Variants in SLCO1B3 observed in about 807,000 individuals in gnomAD.
The protein encoded by SLCO1B3 is liver-specific organic anion transporter 2.
SLCO1B3 carries 72 observed loss-of-function variants against 71.8 expected under a neutral mutation model. The ratio of observed to expected loss-of-function variants is 1.00; its 90% CI spans 0.83 to 1.22. SLCO1B3 has a LOEUF of 1.22. Ranked by LOEUF, SLCO1B3 falls within the 50% of genes most tolerant of loss-of-function variation. SLCO1B3 has a pLI of 0.00. For missense variants in SLCO1B3, 911 were observed against 819.7 expected (o/e 1.11, Z -1.36); for synonymous variants, 298 against 278.4 (o/e 1.07, Z -0.70).
intron 8 of SLCO1B3, among the ~76,000 whole-genome samples, chr12:20,873,834 CCTT>C (rs751626524): frequency 1.3e-5 from 2 of 152,090 alleles, no homozygotes; most frequent in Non-Finnish European, 2.9e-5. Context: ...GTGTTCAGCT[CCTT>C]CTTGTGAGAA....
chr12:20,814,049 A>G (rs1348875115), intron 2 of SLCO1B3, among the ~76,000 whole-genome samples: 1 of 152,182 alleles, frequency 6.6e-6, no homozygotes, highest in Non-Finnish European at 1.5e-5. Flanking sequence ...CATAGCAAGT[A>G]TCTACATAGC....
intron 3 of SLCO1B3, among the ~76,000 whole-genome samples, chr12:20,838,438 A>C (rs1175995151): frequency 6.6e-6 from 1 of 151,994 alleles, no homozygotes; most frequent in Non-Finnish European, 1.5e-5. Context: ...CATTTAGATA[A>C]TTGATGTTAA....
At chr12:20,868,516 A>G (rs1865414427) in intron 8 of SLCO1B3, among the ~76,000 whole-genome samples, 1 of 152,180 alleles carries the variant, frequency 6.6e-6, no homozygotes, top group African/African-American at 2.4e-5. Flanking sequence ...GGAAATCACC[A>G]TTCTACTTTC....
At chr12:20,832,840 G>A (rs1036798636) in intron 3 of SLCO1B3, among the ~76,000 whole-genome samples, 3 of 152,152 alleles carry the variant, frequency 2.0e-5, no homozygotes, top group South Asian at 2.1e-4. Flanking sequence ...TCTTTAACCA[G>A]CTTGATTTTC....
intron 14 of SLCO1B3, 91 bp from the exon 15 acceptor site, chr12:20,901,259 G>A (rs1365321994): frequency 1.2e-5 from 10 of 862,938 alleles, no homozygotes; most frequent in Admixed American, 2.7e-5. Context: ...CTTTAAACTT[G>A]TATTAATCCA....
chr12:20,811,905 ATTTT>A (rs11292391), intron 1 of SLCO1B3, among the ~76,000 whole-genome samples: 5 of 114,848 alleles, frequency 4.4e-5, no homozygotes, highest in Admixed American at 9.7e-5. Flanking sequence ...TACTTGATAC[ATTTT>A]TTTTTTTTTT....
intron 3 of SLCO1B3, among the ~76,000 whole-genome samples, chr12:20,850,517 C>T (rs1865005373): frequency 6.6e-6 from 1 of 151,982 alleles, no homozygotes; most frequent in Non-Finnish European, 1.5e-5. Context: ...CTCCTGACCT[C>T]GTGATCCACC....
chr12:20,855,672 G>T (rs1203354335), intron 4 of SLCO1B3, among the ~76,000 whole-genome samples: 13 of 132,866 alleles, frequency 9.8e-5, no homozygotes, highest in African/African-American at 3.6e-4. Context: ...TTTTTTTTTT[G>T]AACATTGAAG....
chr12:20,880,206 A>G (rs1167086935), intron 11 of SLCO1B3, among the ~76,000 whole-genome samples: 1 of 151,384 alleles, frequency 6.6e-6, no homozygotes. Flanking sequence ...CTTATGATTT[A>G]TAATTATATT....
intron 8 of SLCO1B3, among the ~76,000 whole-genome samples, chr12:20,874,557 A>G (rs1865541004): frequency 6.6e-6 from 1 of 152,214 alleles, no homozygotes; most frequent in Non-Finnish European, 1.5e-5. Flanking sequence ...TACCTACTAA[A>G]ATAACTCATT....
chr12:20,860,176 G>A (rs1865229978), intron 5 of SLCO1B3, among the ~76,000 whole-genome samples: 1 of 152,036 alleles, frequency 6.6e-6, no homozygotes, highest in East Asian at 1.9e-4. Flanking sequence ...AGGGTGGTCT[G>A]GATCTCCTGA....
At chr12:20,891,120 T>A (rs934204026) in intron 13 of SLCO1B3, among the ~76,000 whole-genome samples, 1 of 152,098 alleles carries the variant, frequency 6.6e-6, no homozygotes, top group African/African-American at 2.4e-5. Context: ...GATCTGTAAG[T>A]TTTATACTTT....
At chr12:20,836,594 G>A (rs1000175728) in intron 3 of SLCO1B3, among the ~76,000 whole-genome samples, 27 of 152,032 alleles carry the variant, frequency 1.8e-4, no homozygotes, top group African/African-American at 5.8e-4. Flanking sequence ...TAAATGTTTG[G>A]TATAATTCAC....
intron 6 of SLCO1B3, among the ~76,000 whole-genome samples, chr12:20,862,177 A>G (rs990124667): frequency 2.0e-5 from 3 of 152,188 alleles, no homozygotes; most frequent in Non-Finnish European, 4.4e-5. Context: ...AAAAATGCAG[A>G]AGATCTAGAA....
chr12:20,878,335 C>A (rs957334628), intron 10 of SLCO1B3, among the ~76,000 whole-genome samples: 1 of 151,998 alleles, frequency 6.6e-6, no homozygotes. Context: ...CAGCTACTTA[C>A]AAAAGACATA....
At chr12:20,906,308 G>T (rs1408588776) in intron 15 of SLCO1B3, among the ~76,000 whole-genome samples, 1 of 152,148 alleles carries the variant, frequency 6.6e-6, no homozygotes, top group Non-Finnish European at 1.5e-5. Context: ...AAAACAATGG[G>T]CAACAAAATC....
Position 20,812,961 on chromosome 12 carries a change from G to A in SLCO1B3, c.-180-563G>A, listed in dbSNP as rs144057248. ...AGAAACAGAGATATTCGTGGAAAAA[G>A]TGGTGTAAATTTATTAAGGGGCTGC... On this transcript the variant is annotated intron_variant, in intron 1 of 15. Transcript: ENST00000381545. Among the ~76,000 whole-genome samples the A allele has an allele frequency of 9.1e-3, 1,385 of 152,256 alleles. 7 individuals are homozygous for A. The highest frequency in any genetic ancestry group is 0.016 in the Non-Finnish European group (1,105 of 68,022).
intron 3 of SLCO1B3, among the ~76,000 whole-genome samples, chr12:20,821,390 G>A (rs996789014): frequency 2.6e-5 from 4 of 152,186 alleles, no homozygotes; most frequent in African/African-American, 9.7e-5. Flanking sequence ...TCAGGTGAGA[G>A]TTGAAGAGGT....
At chr12:20,905,234 C>A (rs547555529) in intron 15 of SLCO1B3, among the ~76,000 whole-genome samples, 5 of 152,218 alleles carry the variant, frequency 3.3e-5, no homozygotes, top group Non-Finnish European at 4.4e-5. Flanking sequence ...CCCACAAAAC[C>A]ATTTAACCCT....
Sources: gnomAD v4.1 joint callset for allele counts (sites outside exome capture counted in the v4.1 genomes callset) on GRCh38, gnomAD v4.1.1 for gene constraint, MANE v1.5 for transcripts, NCBI Gene and HGNC (gene_info 2026-07-23, HGNC 2026-07-21) for gene names.